PHF7: variants seen among roughly 807,000 people sequenced by gnomAD.
The protein encoded by PHF7 is E3 ubiquitin-protein ligase PHF7.
Under a neutral mutation model 47.5 loss-of-function variants are expected in PHF7, and 24 were observed. The observed-to-expected ratio is 0.51, with a 90% CI of 0.37 to 0.71. The LOEUF is 0.71. Among genes scored for constraint, PHF7 ranks in the 30% least tolerant of loss-of-function variants. The pLI, the probability that PHF7 is intolerant of heterozygous loss-of-function variation, is 0.00. For missense variants in PHF7, 361 were observed against 456.8 expected (o/e 0.79, Z 1.91); for synonymous variants, 156 against 153.8 (o/e 1.01, Z -0.11).
rs146804731 is a variant in PHF7, at chr3:52,413,043, C to T, written c.41+123C>T. On this transcript the variant is annotated intron_variant, in intron 2 of 10. Transcript: ENST00000327906. ...AGGTTGGACAGTGTGGAAGCACACA[C>T]GGAGCTGGGAGCTGTCATACCTGTC... The T allele has an allele frequency of 6.2e-4, 460 of 742,688 alleles. 2 individuals are homozygous for T. The African/African-American group carries it at 6.9e-3, about 11-fold the overall frequency. The allele number at this position is 742,688 out of a possible 1,614,324, so 46.0% of individuals were successfully genotyped here. A position where few individuals can be genotyped will look rare whatever the true frequency, so the allele number is the denominator to read the frequency against.
chr3:52,411,067 T>C lies in PHF7; in HGVS notation c.-250T>C, dbSNP rs1414571192. 1 of 152,182 alleles carries C rather than the reference T, an allele frequency of 6.6e-6. No homozygotes were observed. Among genetic ancestry groups the C allele is most frequent in the African/African-American group, 2.4e-5 (1 of 41,440 alleles). The allele number at this position is 152,182 out of a possible 1,614,324, so 9.4% of individuals were successfully genotyped here. A position where few individuals can be genotyped will look rare whatever the true frequency, so the allele number is the denominator to read the frequency against. On this transcript the variant is annotated 5_prime_UTR_variant, in exon 1 of 11. Transcript: ENST00000327906. ...CCTGTCCAGTGAAACAACTTGATAA[T>C]CGTTTCGAGGGGCGTCCGCCGGGTT... is the stretch of plus-strand genomic sequence containing the variant.
rs1395375519 is a variant in PHF7 at position 52,422,709 on chromosome 3, G to A, written c.798-51G>A. The A allele has an allele frequency of 2.5e-6, 4 of 1,606,132 alleles. No homozygotes were observed. The African/African-American group carries it at 4.0e-5, about 16-fold the overall frequency. On this transcript the variant is annotated intron_variant, in intron 9 of 10. Transcript: ENST00000327906. ...GGCCCATAGCAAACATCCAAGCATG[G>A]CAGTTGGTGTTCTGTATGTCTCCAC...
intron 4 of PHF7, among the ~76,000 whole-genome samples, chr3:52,416,398 A>C (rs983522534): frequency 1.0e-4 from 15 of 149,466 alleles, no homozygotes; most frequent in Non-Finnish European, 4.5e-5. Flanking sequence ...GTTAGCCAGG[A>C]TGGTCTCGAT....
chr3:52,422,270 G>A lies in PHF7; in HGVS notation c.729G>A (p.Gln243=). ...LEPGAFSDLY[Q]RYQHCDAPIC... ...CAGGGGCTTTCTCAGACTTATATCA[G>A]CGCTATCAGCACTGTGATGCCCCCA... The change falls in exon 9 of 11, where the codon CAG becomes CAA. Residue 243 remains glutamine, a synonymous_variant. Transcript: ENST00000327906. 6.2e-7 allele frequency: 1 copy of A among 1,614,090 alleles called. No homozygotes were observed. Among genetic ancestry groups the A allele is most frequent in the Non-Finnish European group, 8.5e-7 (1 of 1,179,952 alleles).
intron 5 of PHF7, 31 bp downstream of exon 5, chr3:52,419,965 G>T (rs1277344238): frequency 1.5e-6 from 2 of 1,305,260 alleles, no homozygotes; most frequent in Non-Finnish European, 2.2e-6. Context: ...GGACCTTGGG[G>T]TAGGCCTCTT....
Position 52,422,890 on chromosome 3 carries a change from G to A in PHF7, c.919+9G>A. 1 of 1,614,102 alleles carries A rather than the reference G, an allele frequency of 6.2e-7. No homozygotes were observed. The highest frequency in any genetic ancestry group is 8.5e-7 in the Non-Finnish European group (1 of 1,180,012). On this transcript the variant is annotated intron_variant, in intron 10 of 10. Coordinates refer to ENST00000327906, the MANE Select transcript of PHF7 (RefSeq NM_016483.7). ...ACCTGCTGCAGCCACAGGTGAGGCTGGAGGGATGGGCCGGCCTCAGAGCAA... is the reference window on the plus strand; with the variant it reads ...ACCTGCTGCAGCCACAGGTGAGGCTAGAGGGATGGGCCGGCCTCAGAGCAA...
At chr3:52,413,875 T>G in intron 2 of PHF7, 121 bp from the exon 3 acceptor site, 1 of 704,582 alleles carries the variant, frequency 1.4e-6, no homozygotes, top group Admixed American at 2.3e-5. Context: ...AGCTGATGTC[T>G]TAGGCTTTAG....
At chr3:52,414,358 C>A in intron 3 of PHF7, 138 bp from the exon 4 acceptor site, 1 of 668,604 alleles carries the variant, frequency 1.5e-6, no homozygotes, top group Non-Finnish European at 2.7e-6. Context: ...GACCTCATCC[C>A]AACCTTCCTC....
chr3:52,413,009 T>G, intron 2 of PHF7, 89 bp downstream of exon 2: 1 of 999,082 alleles, frequency 1.0e-6, no homozygotes, highest in Non-Finnish European at 1.6e-6. Context: ...GTCGTAGTCT[T>G]GGGGGTTGAG....
At position 52,414,012 on chromosome 3, in the gene PHF7, A is replaced by G. The variant is rs1034254956; in HGVS notation, c.58A>G (p.Arg20Gly). 6.2e-7 allele frequency: 1 copy of G among 1,610,472 alleles called. No individual in the cohort carries two copies. Among genetic ancestry groups the G allele is most frequent in the East Asian group, 2.2e-5 (1 of 44,858 alleles). ...CQRLRKSAKT[R>G]RVTQRKPSSG... is the part of the protein sequence containing the mutation. ...CTTGTATAGAAAATCTGCCAAGACT[A>G]GGAGGGTAACCCAGAGGAAACCGTC... The change falls in exon 3 of 11, where the codon AGG (arginine) becomes GGG (glycine). Residue 20 changes from arginine (R) to glycine (G), a missense_variant. Physicochemically the swap from Arg to Gly is moderately radical, Grantham distance 125. Coordinates refer to ENST00000327906, the MANE Select transcript of PHF7 (RefSeq NM_016483.7).
At chr3:52,420,525 C>A in intron 6 of PHF7, 90 bp downstream of exon 6, 1 of 1,308,242 alleles carries the variant, frequency 7.6e-7, no homozygotes, top group Non-Finnish European at 1.1e-6. Flanking sequence ...CACAAGCAGG[C>A]CTGTTTTGAT....
chr3:52,413,498 C>G (rs1008856872), intron 2 of PHF7, among the ~76,000 whole-genome samples: 3 of 152,106 alleles, frequency 2.0e-5, no homozygotes. Flanking sequence ...AATCCGGTTC[C>G]TGCCCTCAAA....
At chr3:52,423,062 GT>G (rs1401422763) in intron 10 of PHF7, 28 bp from the exon 11 acceptor site, 2 of 1,552,942 alleles carry the variant, frequency 1.3e-6, no homozygotes, top group East Asian at 4.5e-5. Flanking sequence ...AGAGGCTTGA[GT>G]TTTCCTCTCC....
Position 52,420,960 on chromosome 3 carries a change from G to A in PHF7, c.471G>A (p.Glu157=), listed in dbSNP as rs1212421111. The A allele has an allele frequency of 6.2e-7, 1 of 1,613,608 alleles. No individual in the cohort carries two copies. The highest frequency in any genetic ancestry group is 8.5e-7 in the Non-Finnish European group (1 of 1,179,624). Residue 157 remains glutamate, a synonymous_variant, in exon 7 of 11, where the codon GAG becomes GAA. Coordinates refer to ENST00000327906, the MANE Select transcript of PHF7 (RefSeq NM_016483.7). ...TQNIQHGHVG[E]ESCILCCEDL... ...ACATCCAACATGGGCATGTGGGGGA[G>A]GAAAGCTGCATCTTATGTTGTGAAG...
chr3:52,420,730 AG>A lies in PHF7; in HGVS notation c.414-171del, dbSNP rs199858762. Among the ~76,000 whole-genome samples, 588 of 152,286 alleles carry A rather than the reference AG, an allele frequency of 3.9e-3. 4 individuals carry two copies. Among genetic ancestry groups the A allele is most frequent in the South Asian group, 0.023 (113 of 4,828 alleles). Reference sequence around the variant, plus strand: ...GACAGTCCTGGGAACTTTGCTCAGTAGGTGAGCAGCCGTGAGAAGGCATGTG... The same window carrying A: ...GACAGTCCTGGGAACTTTGCTCAGTAGTGAGCAGCCGTGAGAAGGCATGTG... On this transcript the variant is annotated intron_variant, in intron 6 of 10. Coordinates refer to ENST00000327906, the MANE Select transcript of PHF7 (RefSeq NM_016483.7).
At chr3:52,413,463 G>T (rs1705523507) in intron 2 of PHF7, among the ~76,000 whole-genome samples, 1 of 152,208 alleles carries the variant, frequency 6.6e-6, no homozygotes, top group Admixed American at 6.5e-5. Flanking sequence ...GGCAGTACAG[G>T]CACTGGGGAG....
chr3:52,419,872 A>G lies in PHF7; in HGVS notation c.226A>G (p.Arg76Gly), dbSNP rs1235759088. The change falls in exon 5 of 11, where the codon AGA (arginine) becomes GGA (glycine). Residue 76 changes from arginine to glycine, a missense_variant. By Grantham distance (125) the Arg-to-Gly change is moderately radical. Coordinates refer to ENST00000327906, the MANE Select transcript of PHF7 (RefSeq NM_016483.7). ...SKLPQRGQSNRGFHGFLPEDI... is the reference protein window; with the variant it reads ...SKLPQRGQSNGGFHGFLPEDI... ...GCTGCCTCAGAGGGGCCAGTCCAAC[A>G]GAGGCTTCCATGGATTTCTGCCTGA... 2 of 1,609,992 alleles carry G rather than the reference A, an allele frequency of 1.2e-6. No individual in the cohort carries two copies. Among genetic ancestry groups the G allele is most frequent in the Non-Finnish European group, 1.7e-6 (2 of 1,177,762 alleles).
intron 3 of PHF7, 98 bp downstream of exon 3, chr3:52,414,146 C>A: frequency 1.3e-6 from 1 of 784,712 alleles, no homozygotes; most frequent in Non-Finnish European, 2.2e-6. Flanking sequence ...CTCTCTCTCC[C>A]AGCCCTACTT....
At chr3:52,414,924 A>AG in intron 4 of PHF7, 1 of 158,844 alleles carries the variant, frequency 6.3e-6, no homozygotes, top group African/African-American at 2.4e-5. Flanking sequence ...TGAACCCTGG[A>AG]GGTGGAGGCT....
Sources: allele counts gnomAD v4.1 joint callset (sites outside exome capture counted in the v4.1 genomes callset), GRCh38; gene constraint gnomAD v4.1.1; transcripts MANE v1.5; gene names NCBI Gene and HGNC (gene_info 2026-07-23, HGNC 2026-07-21).